The following RBFOX1 variants were observed in gnomAD, a reference collection of about 807,000 sequenced individuals.
The protein encoded by RBFOX1 is RNA binding protein fox-1 homolog 1.
RBFOX1 carries 8 observed loss-of-function variants against 57.7 expected under a neutral mutation model. The observed-to-expected ratio is 0.14, with a 90% confidence interval of 0.08 to 0.25. The LOEUF is 0.25. RBFOX1 is among the 10% of genes least tolerant of loss of function. RBFOX1 has a pLI of 1.00. For synonymous variants in RBFOX1, 326 were observed against 222.4 expected, an observed-to-expected ratio of 1.47 and a Z score of -4.15; for missense variants, 611 against 548.5, an observed-to-expected ratio of 1.11 and a Z score of -1.14.
intron 4 of RBFOX1, among the ~76,000 whole-genome samples, chr16:7,086,470 C>T (rs188317078): frequency 1.4e-4 from 21 of 152,218 alleles, no homozygotes; most frequent in Admixed American, 6.5e-4. Flanking sequence ...TCCCCATCCT[C>T]TCATTCATGA....
At chr16:6,845,329 T>C (rs1323797125) in intron 3 of RBFOX1, among the ~76,000 whole-genome samples, 2 of 152,152 alleles carry the variant, frequency 1.3e-5, no homozygotes, top group Non-Finnish European at 2.9e-5. Context: ...CATTTAACTC[T>C]TTAATCTTTC....
At chr16:6,830,044 G>C (rs1285095731) in intron 3 of RBFOX1, among the ~76,000 whole-genome samples, 3 of 152,018 alleles carry the variant, frequency 2.0e-5, no homozygotes, top group East Asian at 3.9e-4. Context: ...AGCCTCCCAA[G>C]TAACTAGGAT....
intron 4 of RBFOX1, among the ~76,000 whole-genome samples, chr16:7,251,568 C>T (rs935243792): frequency 6.6e-6 from 1 of 151,838 alleles, no homozygotes; most frequent in Non-Finnish European, 1.5e-5. Flanking sequence ...CTCCCCTCGC[C>T]GCCATCAAGC....
chr16:5,737,955 C>T lies in RBFOX1; in HGVS notation c.319-129348C>T, dbSNP rs578216056. 1.8e-4 allele frequency among the ~76,000 whole-genome samples: 27 copies of T among 152,128 alleles called. 1 individual carries two copies. The South Asian group carries it at 3.1e-3, about 18-fold the overall frequency. ...ATGTGCCACAGTGGCTGGCTGCACC[C>T]GCCAACCTGTCATCTACATTAAGTA... On this transcript the variant is annotated intron_variant, in intron 3 of 19. Coordinates refer to the RBFOX1 transcript ENST00000641259.
chr16:5,949,207 T>C (rs1309169489), intron 4 of RBFOX1, among the ~76,000 whole-genome samples: 3 of 152,142 alleles, frequency 2.0e-5, no homozygotes, highest in South Asian at 2.1e-4. Flanking sequence ...TTATCTACTA[T>C]ACAGCCTGTG....
intron 14 of RBFOX1, among the ~76,000 whole-genome samples, chr16:7,701,277 C>G (rs2080615310): frequency 6.7e-6 from 1 of 149,704 alleles, no homozygotes; most frequent in African/African-American, 2.6e-5. Flanking sequence ...TCAGGGGTCC[C>G]CAACTGGACA....
At chr16:6,011,150 G>T (rs2094958870) in intron 4 of RBFOX1, among the ~76,000 whole-genome samples, 1 of 152,204 alleles carries the variant, frequency 6.6e-6, no homozygotes, top group African/African-American at 2.4e-5. Context: ...GCTGCTAATA[G>T]AGGGAACATT....
intron 2 of RBFOX1, among the ~76,000 whole-genome samples, chr16:6,455,044 G>A (rs1011674364): frequency 5.7e-5 from 6 of 104,898 alleles, no homozygotes; most frequent in Admixed American, 3.6e-4. Flanking sequence ...TACCATGCCT[G>A]GCTAATTTTT....
At chr16:6,175,389 A>G (rs1376127590) in intron 1 of RBFOX1, among the ~76,000 whole-genome samples, 1 of 152,140 alleles carries the variant, frequency 6.6e-6, no homozygotes, top group Non-Finnish European at 1.5e-5. Context: ...TATGATGCGC[A>G]TTAGTATGTT....
chr16:7,272,605 G>C (rs1389781752), intron 4 of RBFOX1, among the ~76,000 whole-genome samples: 3 of 152,180 alleles, frequency 2.0e-5, no homozygotes, highest in African/African-American at 4.8e-5. Flanking sequence ...GCAGTGCTGA[G>C]CAGCCAGGCC....
chr16:6,675,133 T>C (rs1568161612), intron 3 of RBFOX1, among the ~76,000 whole-genome samples: 1 of 152,096 alleles, frequency 6.6e-6, no homozygotes, highest in Non-Finnish European at 1.5e-5. Context: ...CTCGATCTCT[T>C]GACCTCGTGA....
At chr16:7,218,385 GA>G (rs1463390225) in intron 4 of RBFOX1, among the ~76,000 whole-genome samples, 2 of 152,134 alleles carry the variant, frequency 1.3e-5, no homozygotes, top group Non-Finnish European at 2.9e-5. Context: ...GACAGAGTTA[GA>G]AGTGGAAAGA....
At chr16:7,000,253 C>G (rs1420966448) in intron 3 of RBFOX1, among the ~76,000 whole-genome samples, 2 of 151,982 alleles carry the variant, frequency 1.3e-5, no homozygotes, top group African/African-American at 2.4e-5. Context: ...TATCATTGTT[C>G]AAGTCTACCT....
At chr16:6,183,605 A>T (rs1204299968) in intron 1 of RBFOX1, among the ~76,000 whole-genome samples, 1 of 152,136 alleles carries the variant, frequency 6.6e-6, no homozygotes, top group Non-Finnish European at 1.5e-5. Context: ...TACATCTCTG[A>T]TGTGTAACAT....
intron 3 of RBFOX1, among the ~76,000 whole-genome samples, chr16:6,851,989 G>C (rs1205394719): frequency 1.4e-5 from 2 of 146,338 alleles, no homozygotes; most frequent in African/African-American, 2.5e-5. Context: ...CCAGTGGTGT[G>C]ATCTCGGCTC....
chr16:7,203,056 G>C (rs1461845583), intron 4 of RBFOX1, among the ~76,000 whole-genome samples: 1 of 152,170 alleles, frequency 6.6e-6, no homozygotes, highest in African/African-American at 2.4e-5. Flanking sequence ...AAAGTGCTGG[G>C]ATTACAGGCG....
chr16:6,695,255 A>C (rs1381650265), intron 3 of RBFOX1, among the ~76,000 whole-genome samples: 1 of 152,004 alleles, frequency 6.6e-6, no homozygotes, highest in Admixed American at 6.6e-5. Flanking sequence ...CTCCGTCTCT[A>C]CTGAAAATAA....
intron 1 of RBFOX1, among the ~76,000 whole-genome samples, chr16:5,424,218 C>A (rs1041749369): frequency 6.6e-6 from 1 of 152,178 alleles, no homozygotes; most frequent in Non-Finnish European, 1.5e-5. Context: ...ACACTGTGAA[C>A]AGTGAACATC....
intron 3 of RBFOX1, among the ~76,000 whole-genome samples, chr16:6,946,925 G>A (rs966645051): frequency 6.6e-6 from 1 of 152,032 alleles, no homozygotes; most frequent in Non-Finnish European, 1.5e-5. Context: ...CCTTTCAAAC[G>A]TTGTTATTTG....
Sources: gnomAD v4.1 joint callset for allele counts (sites outside exome capture counted in the v4.1 genomes callset) on GRCh38, gnomAD v4.1.1 for gene constraint, MANE v1.5 for transcripts, NCBI Gene and HGNC (gene_info 2026-07-23, HGNC 2026-07-21) for gene names.